The following SYT1 variants were observed in gnomAD, a reference collection of about 807,000 sequenced individuals.
SYT1 encodes the protein synaptotagmin 1, also known as synaptotagmin-1.
Under a neutral mutation model 44.8 loss-of-function variants are expected in SYT1, and 8 were observed. The ratio of observed to expected loss-of-function variants is 0.18; its 90% confidence interval spans 0.10 to 0.32. The LOEUF (loss-of-function observed/expected upper bound fraction) is 0.32, where lower values mean the gene tolerates loss of function less well. Ranked by LOEUF, SYT1 falls within the 10% of genes least tolerant of loss-of-function variation. The pLI is 1.00. For synonymous variants in SYT1, 154 were observed against 188.8 expected (o/e 0.82, Z 1.51); for missense variants, 286 against 509.3 (o/e 0.56, Z 4.22).
intron 4 of SYT1, among the ~76,000 whole-genome samples, chr12:79,237,249 T>C (rs773653625): frequency 6.6e-6 from 1 of 152,196 alleles, no homozygotes; most frequent in Non-Finnish European, 1.5e-5. Context: ...CATTCCAGGG[T>C]TATGCCCTGT....
chr12:78,980,590 C>T (rs989483634), intron 2 of SYT1, among the ~76,000 whole-genome samples: 1 of 151,994 alleles, frequency 6.6e-6, no homozygotes, highest in Non-Finnish European at 1.5e-5. Context: ...ATTTGGGACT[C>T]AAAACTTATT....
intron 9 of SYT1, among the ~76,000 whole-genome samples, chr12:79,409,536 C>A (rs1178231832): frequency 1.3e-5 from 2 of 152,026 alleles, no homozygotes; most frequent in Non-Finnish European, 2.9e-5. Flanking sequence ...CAAAATTAGA[C>A]CTTACTAGCT....
At chr12:78,877,799 T>G (rs543015838) in intron 1 of SYT1, among the ~76,000 whole-genome samples, 55 of 151,826 alleles carry the variant, frequency 3.6e-4, no homozygotes, top group African/African-American at 1.3e-3. Context: ...TGGCTAATTT[T>G]TGTATTTTTT....
chr12:79,323,029 A>T (rs1270030427), intron 8 of SYT1, among the ~76,000 whole-genome samples: 1 of 152,160 alleles, frequency 6.6e-6, no homozygotes, highest in East Asian at 1.9e-4. Flanking sequence ...CAGCCCTGTA[A>T]TTCATCAAAG....
intron 9 of SYT1, among the ~76,000 whole-genome samples, chr12:79,398,878 A>G (rs1884969012): frequency 6.6e-6 from 1 of 152,166 alleles, no homozygotes; most frequent in South Asian, 2.1e-4. Context: ...TTCAACAGTA[A>G]TTCCTTTTAC....
chr12:79,316,495 G>A (rs989894064), intron 8 of SYT1, among the ~76,000 whole-genome samples: 1 of 152,146 alleles, frequency 6.6e-6, no homozygotes, highest in African/African-American at 2.4e-5. Flanking sequence ...TGAACTGCTG[G>A]TTCATAGGTA....
At chr12:78,961,608 C>T (rs1322853631) in intron 1 of SYT1, among the ~76,000 whole-genome samples, 2 of 151,910 alleles carry the variant, frequency 1.3e-5, no homozygotes, top group East Asian at 3.9e-4. Context: ...GGGTCGCAAG[C>T]AGTATGGCAT....
At chr12:78,940,267 C>T (rs1004775419) in intron 1 of SYT1, among the ~76,000 whole-genome samples, 18 of 152,074 alleles carry the variant, frequency 1.2e-4, no homozygotes, top group African/African-American at 4.3e-4. Flanking sequence ...ATTGAGTCTC[C>T]TGATTTCAAT....
At chr12:78,900,158 A>G in intron 1 of SYT1, among the ~76,000 whole-genome samples, 1 of 152,108 alleles carries the variant, frequency 6.6e-6, no homozygotes, top group Non-Finnish European at 1.5e-5. Flanking sequence ...TAGTTTTCTG[A>G]TAAAGTAGAT....
At chr12:79,085,707 A>G (rs897617181) in intron 3 of SYT1, among the ~76,000 whole-genome samples, 10 of 152,166 alleles carry the variant, frequency 6.6e-5, no homozygotes, top group Non-Finnish European at 1.2e-4. Flanking sequence ...TTCCTCATCT[A>G]TGTAAATGAA....
chr12:79,380,551 T>A (rs1414495388), intron 9 of SYT1, among the ~76,000 whole-genome samples: 1 of 152,150 alleles, frequency 6.6e-6, no homozygotes, highest in African/African-American at 2.4e-5. Context: ...CACACCACCC[T>A]GCTCTGCTAA....
At chr12:79,263,045 C>T (rs1452987992) in intron 4 of SYT1, among the ~76,000 whole-genome samples, 1 of 152,166 alleles carries the variant, frequency 6.6e-6, no homozygotes, top group African/African-American at 2.4e-5. Context: ...TCGCTTACTG[C>T]CCCCTCTGCA....
chr12:79,062,797 T>A (rs1187932986), intron 3 of SYT1, among the ~76,000 whole-genome samples: 1 of 152,190 alleles, frequency 6.6e-6, no homozygotes, highest in African/African-American at 2.4e-5. Context: ...TGTTCTTTTA[T>A]AATCATAATA....
At chr12:78,921,224 G>A (rs540118917) in intron 1 of SYT1, among the ~76,000 whole-genome samples, 1 of 151,984 alleles carries the variant, frequency 6.6e-6, no homozygotes, top group South Asian at 2.1e-4. Context: ...ATACTTTAGA[G>A]TAGAAATTTT....
intron 9 of SYT1, among the ~76,000 whole-genome samples, chr12:79,418,872 G>A (rs1868919823): frequency 6.6e-6 from 1 of 152,052 alleles, no homozygotes. Flanking sequence ...GAATCACCTG[G>A]GAAGTGATAT....
chr12:79,156,400 G>A (rs1224310572), intron 3 of SYT1, among the ~76,000 whole-genome samples: 1 of 152,106 alleles, frequency 6.6e-6, no homozygotes, highest in Non-Finnish European at 1.5e-5. Context: ...CAAACTGCCT[G>A]AAAACTGTAG....
At chr12:79,088,225 A>G (rs1395680785) in intron 3 of SYT1, among the ~76,000 whole-genome samples, 1 of 152,040 alleles carries the variant, frequency 6.6e-6, no homozygotes, top group Non-Finnish European at 1.5e-5. Flanking sequence ...GTAACTGGCT[A>G]GTTACTAGCC....
intron 9 of SYT1, among the ~76,000 whole-genome samples, chr12:79,374,884 A>G (rs954938729): frequency 1.3e-5 from 2 of 152,190 alleles, no homozygotes; most frequent in Admixed American, 6.5e-5. Context: ...GATTTAGATT[A>G]GGAGTAAACA....
At chr12:79,212,867 G>A (rs1874544617) in intron 3 of SYT1, among the ~76,000 whole-genome samples, 1 of 152,148 alleles carries the variant, frequency 6.6e-6, no homozygotes, top group Admixed American at 6.5e-5. Flanking sequence ...ACTTAATCCT[G>A]GGAAAGCCAC....
Sources: gnomAD v4.1 joint callset for allele counts (sites outside exome capture counted in the v4.1 genomes callset) on GRCh38, gnomAD v4.1.1 for gene constraint, MANE v1.5 for transcripts, NCBI Gene and HGNC (gene_info 2026-07-23, HGNC 2026-07-21) for gene names.